The following EIPR1 variants were observed in gnomAD, a reference collection of about 807,000 sequenced individuals.
EIPR1 encodes the protein EARP and GARP complex-interacting protein 1.
A neutral mutation model predicts 48.1 loss-of-function variants in EIPR1; 25 were observed. That is an observed-to-expected ratio of 0.52 (90% CI 0.38 to 0.73). The LOEUF (loss-of-function observed/expected upper bound fraction) is 0.73, where lower values mean the gene tolerates loss of function less well. Among genes scored for constraint, EIPR1 ranks in the 30% least tolerant of loss-of-function variants. The pLI is 0.00. For missense variants in EIPR1, 415 were observed against 506.2 expected, an observed-to-expected ratio of 0.82 and a Z score of 1.73; for synonymous variants, 204 against 201.9, an observed-to-expected ratio of 1.01 and a Z score of -0.09.
rs566956532 is a variant in EIPR1, at chr2:3,277,760, G to A, written c.260-20305C>T. Reference sequence around the variant, plus strand: ...CCCCTACCCTCCATTTACTTGTTGCGCAGCCTCGGCTAGGGGCCCTGACTG... The same window carrying A: ...CCCCTACCCTCCATTTACTTGTTGCACAGCCTCGGCTAGGGGCCCTGACTG... On this transcript the variant is annotated intron_variant, in intron 3 of 8. Transcript: ENST00000382125. Among the ~76,000 whole-genome samples the A allele has an allele frequency of 2.3e-3, 346 of 152,346 alleles. 2 individuals are homozygous for A. The highest frequency in any genetic ancestry group is 7.0e-3 in the African/African-American group (292 of 41,578).
chr2:3,279,923 G>A (rs1468102351), intron 3 of EIPR1, among the ~76,000 whole-genome samples: 3 of 152,238 alleles, frequency 2.0e-5, no homozygotes, highest in Admixed American at 6.5e-5. Flanking sequence ...CCTCTTACTA[G>A]TCACCGCAGC....
At position 3,377,787 on chromosome 2, in the gene EIPR1, C is replaced by G; in HGVS notation, c.-98G>C. 7.5e-7 allele frequency: 1 copy of G among 1,334,870 alleles called. No individual in the cohort carries two copies. Among genetic ancestry groups the G allele is most frequent in the Non-Finnish European group, 1.0e-6 (1 of 961,264 alleles). The allele number at this position is 1,334,870 out of a possible 1,614,324, so 82.7% of individuals were successfully genotyped here. ...CGCGGGCGTGTTCCCAGCGCCCATT[C>G]ATTCCCTCCCCGCAGCAAACGACTC... On this transcript the variant is annotated 5_prime_UTR_variant, in exon 1 of 9. The change abolishes an upstream ATG in the 5' untranslated region. Transcript: ENST00000382125.
At chr2:3,210,958 A>G (rs966062005) in intron 5 of EIPR1, among the ~76,000 whole-genome samples, 2 of 152,066 alleles carry the variant, frequency 1.3e-5, no homozygotes, top group African/African-American at 4.8e-5. Flanking sequence ...CTACTAAGTG[A>G]GAACATGCAT....
At chr2:3,323,091 CCTCT>C (rs1280228729) in intron 3 of EIPR1, among the ~76,000 whole-genome samples, 2 of 141,270 alleles carry the variant, frequency 1.4e-5, no homozygotes, top group Non-Finnish European at 3.0e-5. Flanking sequence ...TATTACAGTT[CCTCT>C]CTCTGATTTT....
At chr2:3,251,400 C>G (rs1397799248) in intron 4 of EIPR1, among the ~76,000 whole-genome samples, 1 of 152,208 alleles carries the variant, frequency 6.6e-6, no homozygotes, top group African/African-American at 2.4e-5. Flanking sequence ...GACTCTGCAT[C>G]TAATAAACAA....
intron 3 of EIPR1, among the ~76,000 whole-genome samples, chr2:3,313,994 G>A (rs987208342): frequency 4.6e-5 from 7 of 152,158 alleles, no homozygotes; most frequent in African/African-American, 1.2e-4. Flanking sequence ...GCTGGGACCC[G>A]GGGAGGGTGG....
At chr2:3,377,593 C>T in intron 1 of EIPR1, 55 bp downstream of exon 1, 5 of 1,551,188 alleles carry the variant, frequency 3.2e-6, no homozygotes, top group Non-Finnish European at 4.4e-6. Flanking sequence ...CATGGGACCG[C>T]GCATGCTATC....
intron 4 of EIPR1, among the ~76,000 whole-genome samples, chr2:3,220,264 A>C (rs1665832254): frequency 6.6e-6 from 1 of 152,224 alleles, no homozygotes; most frequent in African/African-American, 2.4e-5. Context: ...GAGCATTTAT[A>C]GAGTCAGGAA....
At chr2:3,216,377 T>G (rs1321377878) in intron 4 of EIPR1, among the ~76,000 whole-genome samples, 1 of 152,112 alleles carries the variant, frequency 6.6e-6, no homozygotes, top group Admixed American at 6.5e-5. Flanking sequence ...GTGTGGGCTA[T>G]GCCAACAATG....
chr2:3,300,360 CT>C (rs1422762834), intron 3 of EIPR1, among the ~76,000 whole-genome samples: 1 of 152,190 alleles, frequency 6.6e-6, no homozygotes, highest in African/African-American at 2.4e-5. Flanking sequence ...CAGCACAGGT[CT>C]ATCTAAATGC....
intron 1 of EIPR1, among the ~76,000 whole-genome samples, chr2:3,368,791 C>G (rs1558323624): frequency 6.6e-6 from 1 of 152,132 alleles, no homozygotes; most frequent in Non-Finnish European, 1.5e-5. Flanking sequence ...AAAAGCATTT[C>G]AAATATCATT....
intron 4 of EIPR1, among the ~76,000 whole-genome samples, chr2:3,237,439 T>C (rs1021763123): frequency 2.0e-5 from 3 of 152,216 alleles, no homozygotes; most frequent in African/African-American, 7.2e-5. Context: ...ACAGGTGTTC[T>C]ATTTTATTAG....
At chr2:3,358,350 C>T (rs1670776939) in intron 1 of EIPR1, among the ~76,000 whole-genome samples, 3 of 152,182 alleles carry the variant, frequency 2.0e-5, no homozygotes, top group Admixed American at 6.5e-5. Flanking sequence ...TCTTAGAAAA[C>T]ATAACCAATA....
At chr2:3,215,875 C>T (rs1324394303) in intron 4 of EIPR1, among the ~76,000 whole-genome samples, 68 of 152,226 alleles carry the variant, frequency 4.5e-4, no homozygotes, top group Non-Finnish European at 8.8e-5. Context: ...GCTCATAGTA[C>T]TGTGATCAAA....
chr2:3,312,026 C>A lies in EIPR1; in HGVS notation c.259+25991G>T, dbSNP rs1198030209. Among the ~76,000 whole-genome samples, 1 of 152,246 alleles carries A rather than the reference C, an allele frequency of 6.6e-6. No homozygotes were observed. Among genetic ancestry groups the A allele is most frequent in the East Asian group, 1.9e-4 (1 of 5,198 alleles). ...CACTCTCGTGCTGACATACAAATGA[C>A]ACCCTCCACCCTATAGCTTTCATTG... On this transcript the variant is annotated intron_variant, in intron 3 of 8. Coordinates refer to ENST00000382125, the MANE Select transcript of EIPR1 (RefSeq NM_003310.5). The surrounding 1 kb of genome is among the most constrained non-coding windows in gnomAD (Gnocchi z 5.5).
chr2:3,204,063 A>G (rs1346735043), intron 5 of EIPR1, among the ~76,000 whole-genome samples: 1 of 152,268 alleles, frequency 6.6e-6, no homozygotes, highest in East Asian at 1.9e-4. Flanking sequence ...CATCTGTTCC[A>G]GCAACAGACA....
intron 3 of EIPR1, among the ~76,000 whole-genome samples, chr2:3,296,127 C>T (rs113905226): frequency 3.0e-5 from 4 of 134,494 alleles, no homozygotes; most frequent in South Asian, 2.7e-4. Flanking sequence ...CTCCATCCAG[C>T]CCATCCTCTC....
At chr2:3,200,914 G>A (rs1665010480) in intron 5 of EIPR1, among the ~76,000 whole-genome samples, 1 of 152,206 alleles carries the variant, frequency 6.6e-6, no homozygotes, top group Non-Finnish European at 1.5e-5. Flanking sequence ...GCAGGTCTGG[G>A]CTATGGGCAG....
chr2:3,291,623 A>G (rs1668369818), intron 3 of EIPR1, among the ~76,000 whole-genome samples: 1 of 152,166 alleles, frequency 6.6e-6, no homozygotes, highest in Non-Finnish European at 1.5e-5. Context: ...TTGAGTAGGG[A>G]ACACATTCAA....
Sources: gnomAD v4.1 joint callset for allele counts (sites outside exome capture counted in the v4.1 genomes callset) on GRCh38, gnomAD v4.1.1 for gene constraint, Gnocchi (gnomAD v3.1) non-coding constraint, MANE v1.5 for transcripts, NCBI Gene and HGNC (gene_info 2026-07-23, HGNC 2026-07-21) for gene names.